The following ADAMTS2 variants were observed in gnomAD, a reference collection of about 807,000 sequenced individuals.
ADAMTS2 encodes the protein ADAM metallopeptidase with thrombospondin type 1 motif 2, also known as A disintegrin and metalloproteinase with thrombospondin motifs 2.
In ADAMTS2, 50 loss-of-function variants were observed where a neutral mutation model predicts 123.0. That is an observed-to-expected ratio of 0.41 (90% CI 0.32 to 0.51). ADAMTS2 has a LOEUF of 0.51. Among genes scored for constraint, ADAMTS2 ranks in the 20% least tolerant of loss-of-function variants. The pLI is 0.35. For missense variants in ADAMTS2, 1,494 were observed against 1,705.2 expected (o/e 0.88, Z 2.18); for synonymous variants, 678 against 695.4 (o/e 0.98, Z 0.39).
chr5:179,205,994 C>T (rs920188465), intron 4 of ADAMTS2, among the ~76,000 whole-genome samples: 1 of 152,016 alleles, frequency 6.6e-6, no homozygotes, highest in Non-Finnish European at 1.5e-5. Context: ...CTCCTGACCT[C>T]GTGATCCGCC....
At chr5:179,207,081 A>G (rs1270129705) in intron 4 of ADAMTS2, among the ~76,000 whole-genome samples, 1 of 152,212 alleles carries the variant, frequency 6.6e-6, no homozygotes, top group Non-Finnish European at 1.5e-5. Flanking sequence ...AGGGCTATCC[A>G]GCTGGGGCTG....
chr5:179,344,215 A>T, intron 1 of ADAMTS2, 54 bp from the exon 2 acceptor site: 2 of 1,527,836 alleles, frequency 1.3e-6, no homozygotes, highest in Admixed American at 2.0e-5. Flanking sequence ...CCAGTGCCTC[A>T]GAGACCCGCC....
Position 179,180,930 on chromosome 5 carries a change from CT to C in ADAMTS2, c.975+141del. 1.5e-6 allele frequency: 1 copy of C among 677,862 alleles called. No individual in the cohort carries two copies. Among genetic ancestry groups the C allele is most frequent in the South Asian group, 1.6e-5 (1 of 63,520 alleles). The allele number at this position is 677,862 out of a possible 1,614,324, so 42.0% of individuals were successfully genotyped here. A position where few individuals can be genotyped will look rare whatever the true frequency, so the allele number is the denominator to read the frequency against. On this transcript the variant is annotated intron_variant, in intron 5 of 21. Transcript: ENST00000251582. The surrounding 1 kb of genome is among the most constrained non-coding windows in gnomAD (Gnocchi z 4.6). ...GTGAAAGGGAGCAGGGATCTTGTTTCTTATAGGAACCTCAGGGGAGCCAGGG... is the reference window on the plus strand; with the variant it reads ...GTGAAAGGGAGCAGGGATCTTGTTTCTATAGGAACCTCAGGGGAGCCAGGG...
intron 5 of ADAMTS2, among the ~76,000 whole-genome samples, chr5:179,159,541 G>A (rs967473888): frequency 6.6e-6 from 1 of 152,202 alleles, no homozygotes; most frequent in Non-Finnish European, 1.5e-5. Flanking sequence ...ATACACAGAT[G>A]ATTCCCACAG....
intron 3 of ADAMTS2, among the ~76,000 whole-genome samples, chr5:179,250,824 C>T (rs945290285): frequency 3.9e-5 from 6 of 152,344 alleles, no homozygotes; most frequent in East Asian, 1.9e-4. Flanking sequence ...CACCCTCTAA[C>T]GCCCTCCCAT....
chr5:179,243,614 A>T (rs560089469), intron 3 of ADAMTS2, among the ~76,000 whole-genome samples: 1 of 152,234 alleles, frequency 6.6e-6, no homozygotes, highest in East Asian at 1.9e-4. Flanking sequence ...ACATGACCCA[A>T]AATGTCCAGT....
Position 179,175,619 on chromosome 5 carries a change from T to C in ADAMTS2, c.975+5453A>G, listed in dbSNP as rs1763913024. Reference sequence around the variant, plus strand: ...TTTTGGTTCACACAGAAGCTACTGATTTTTTAAACAATGGTCTGATATTTG... The same window carrying C: ...TTTTGGTTCACACAGAAGCTACTGACTTTTTAAACAATGGTCTGATATTTG... On this transcript the variant is annotated intron_variant, in intron 5 of 21. Coordinates refer to ENST00000251582, the MANE Select transcript of ADAMTS2 (RefSeq NM_014244.5). This position sits in a 1 kb window ranked among gnomAD's most constrained non-coding sequence, Gnocchi z 4.1. 6.6e-6 allele frequency among the ~76,000 whole-genome samples: 1 copy of C among 152,242 alleles called. No individual in the cohort carries two copies. Among genetic ancestry groups the C allele is most frequent in the Non-Finnish European group, 1.5e-5 (1 of 68,034 alleles).
At chr5:179,133,896 G>A (rs1359022557) in intron 13 of ADAMTS2, among the ~76,000 whole-genome samples, 1 of 148,532 alleles carries the variant, frequency 6.7e-6, no homozygotes, top group Non-Finnish European at 1.5e-5. Flanking sequence ...ATTTTTAGTA[G>A]AGACGGGGTT....
chr5:179,265,955 G>A lies in ADAMTS2; in HGVS notation c.688+6956C>T, dbSNP rs75560670. 8.0e-3 allele frequency among the ~76,000 whole-genome samples: 1,225 copies of A among 152,360 alleles called. 12 individuals are homozygous for A. Among genetic ancestry groups the A allele is most frequent in the Middle Eastern group, 0.037 (11 of 294 alleles). On this transcript the variant is annotated intron_variant, in intron 3 of 21. Transcript: ENST00000251582. The stretch of plus-strand genomic sequence containing the variant: ...GACTCCAGGGATCCAGCGCCGAGGC[G>A]CTGAACTCAGTGAGTCGGCAACAGT...
rs756368592 is a variant in ADAMTS2, at chr5:179,189,222, T to C, written c.892-8067A>G. Among the ~76,000 whole-genome samples the C allele has an allele frequency of 2.6e-5, 4 of 152,198 alleles. No individual in the cohort carries two copies. Among genetic ancestry groups the C allele is most frequent in the Non-Finnish European group, 5.9e-5 (4 of 68,032 alleles). ...TGTGAAGAGATCACCAAACAGGCTT[T>C]GTGTGAGCAATAAAGCTTTTTAATC... On this transcript the variant is annotated intron_variant, in intron 4 of 21. Transcript: ENST00000251582. The surrounding 1 kb of genome is among the most constrained non-coding windows in gnomAD (Gnocchi z 4.2).
At chr5:179,182,099 G>C (rs1764063985) in intron 4 of ADAMTS2, among the ~76,000 whole-genome samples, 1 of 152,168 alleles carries the variant, frequency 6.6e-6, no homozygotes, top group Non-Finnish European at 1.5e-5. Flanking sequence ...CTTCCCCCTG[G>C]AAGGCCCCCC....
At chr5:179,159,638 G>A (rs1006347400) in intron 5 of ADAMTS2, among the ~76,000 whole-genome samples, 15 of 152,028 alleles carry the variant, frequency 9.9e-5, no homozygotes, top group African/African-American at 2.2e-4. Context: ...CCTCGGGACC[G>A]CTCGTCTTGC....
intron 3 of ADAMTS2, among the ~76,000 whole-genome samples, chr5:179,268,308 C>T (rs983768298): frequency 2.6e-5 from 4 of 152,346 alleles, no homozygotes; most frequent in African/African-American, 4.8e-5. Flanking sequence ...TTGGTCTCCA[C>T]GTTTCCATCA....
At chr5:179,319,397 A>C (rs1446855744) in intron 2 of ADAMTS2, among the ~76,000 whole-genome samples, 1 of 152,128 alleles carries the variant, frequency 6.6e-6, no homozygotes, top group East Asian at 1.9e-4. Flanking sequence ...ACAGGCATGC[A>C]GTGCACACAT....
In ADAMTS2 at chr5:179,137,705, C is replaced by T; in HGVS notation, c.1951+64G>A. ...CCATGCAGGATCAGAGGCACAAGCC[C>T]CCACCCTGCCCACCCTAGGGCCTGC... is the stretch of plus-strand genomic sequence containing the variant. On this transcript the variant is annotated intron_variant, in intron 12 of 21. Coordinates refer to ENST00000251582, the MANE Select transcript of ADAMTS2 (RefSeq NM_014244.5). 2.0e-6 allele frequency: 3 copies of T among 1,492,328 alleles called. No individual in the cohort carries two copies. The Admixed American group carries it at 5.9e-5, about 29-fold the overall frequency. The allele number at this position is 1,492,328 out of a possible 1,614,324, so 92.4% of individuals were successfully genotyped here. A position where few individuals can be genotyped will look rare whatever the true frequency, so the allele number is the denominator to read the frequency against.
At chr5:179,236,342 G>A (rs577843431) in intron 3 of ADAMTS2, among the ~76,000 whole-genome samples, 4 of 152,278 alleles carry the variant, frequency 2.6e-5, no homozygotes, top group African/African-American at 9.6e-5. Flanking sequence ...CTCCCGTAAG[G>A]GTGAACCAGG....
At chr5:179,315,415 A>C (rs1384426062) in intron 2 of ADAMTS2, among the ~76,000 whole-genome samples, 1 of 151,534 alleles carries the variant, frequency 6.6e-6, no homozygotes, top group Admixed American at 6.6e-5. Flanking sequence ...GTTTCCCACC[A>C]TTGGGAGCCA....
At chr5:179,257,532 T>C (rs981516598) in intron 3 of ADAMTS2, among the ~76,000 whole-genome samples, 1 of 152,162 alleles carries the variant, frequency 6.6e-6, no homozygotes, top group African/African-American at 2.4e-5. Flanking sequence ...AACAGCTCTG[T>C]CTGCCTGGGC....
intron 3 of ADAMTS2, among the ~76,000 whole-genome samples, chr5:179,265,691 G>A (rs1024487565): frequency 3.9e-5 from 6 of 152,174 alleles, no homozygotes; most frequent in Admixed American, 1.3e-4. Flanking sequence ...TCCCAGCGCC[G>A]GCCCCCGCCC....
Sources: gnomAD v4.1 joint callset for allele counts (sites outside exome capture counted in the v4.1 genomes callset) on GRCh38, gnomAD v4.1.1 for gene constraint, Gnocchi (gnomAD v3.1) non-coding constraint, MANE v1.5 for transcripts, NCBI Gene and HGNC (gene_info 2026-07-23, HGNC 2026-07-21) for gene names.